ZNF536: variants seen among roughly 807,000 people sequenced by gnomAD.
ZNF536 encodes the protein zinc finger protein 536.
ZNF536 carries 13 observed loss-of-function variants against 84.5 expected under a neutral mutation model. The observed-to-expected ratio is 0.15, with a 90% CI of 0.10 to 0.24. ZNF536 has a LOEUF of 0.24. ZNF536 is among the 10% of genes least tolerant of loss of function. The pLI, the probability that ZNF536 is intolerant of heterozygous loss-of-function variation, is 1.00. For missense variants in ZNF536, 1,536 were observed against 1,747.5 expected, an observed-to-expected ratio of 0.88 and a Z score of 2.16; for synonymous variants, 811 against 742.5, an observed-to-expected ratio of 1.09 and a Z score of -1.50.
chr19:30,270,543 T>C (rs920156184), intron 1 of ZNF536, among the ~76,000 whole-genome samples: 3 of 152,198 alleles, frequency 2.0e-5, no homozygotes, highest in African/African-American at 7.2e-5. Context: ...AAGGAGACAA[T>C]TAGCAAACAG....
chr19:30,524,922 TTTA>T (rs1320846580), intron 2 of ZNF536, among the ~76,000 whole-genome samples: 1 of 152,192 alleles, frequency 6.6e-6, no homozygotes, highest in Non-Finnish European at 1.5e-5. Context: ...TAACAAATAT[TTTA>T]TTATAATTAT....
intron 3 of ZNF536, among the ~76,000 whole-genome samples, chr19:30,361,949 A>G (rs993780431): frequency 3.9e-5 from 6 of 152,170 alleles, no homozygotes; most frequent in Non-Finnish European, 8.8e-5. Flanking sequence ...GAGGCCGTGC[A>G]TTAGGTCAGC....
intron 2 of ZNF536, among the ~76,000 whole-genome samples, chr19:30,471,332 C>T (rs1390819820): frequency 1.3e-5 from 2 of 152,188 alleles, no homozygotes; most frequent in Non-Finnish European, 2.9e-5. Flanking sequence ...AGATAATTAA[C>T]AGGCAGGACA....
chr19:30,346,212 C>A (rs768949006), intron 2 of ZNF536, among the ~76,000 whole-genome samples: 1 of 152,110 alleles, frequency 6.6e-6, no homozygotes, highest in Non-Finnish European at 1.5e-5. Flanking sequence ...CAGCTATGGG[C>A]AAAGCAACTG....
intron 2 of ZNF536, among the ~76,000 whole-genome samples, chr19:30,498,096 C>T (rs2054795895): frequency 6.6e-6 from 1 of 151,970 alleles, no homozygotes; most frequent in African/African-American, 2.4e-5. Flanking sequence ...GGGTATATAC[C>T]CAAAGGAATA....
intron 3 of ZNF536, among the ~76,000 whole-genome samples, chr19:30,539,765 T>C (rs1178624720): frequency 6.6e-6 from 1 of 152,162 alleles, no homozygotes; most frequent in African/African-American, 2.4e-5. Context: ...AGGCAGATGC[T>C]GACAGGTCCC....
chr19:30,669,655 A>G (rs578018788), intron 1 of ZNF536, among the ~76,000 whole-genome samples: 2 of 152,300 alleles, frequency 1.3e-5, no homozygotes, highest in African/African-American at 2.4e-5. Context: ...ACAAGGCTCC[A>G]CTTTCCCTAA....
At chr19:30,469,480 C>T (rs1052066746) in intron 2 of ZNF536, among the ~76,000 whole-genome samples, 2 of 152,090 alleles carry the variant, frequency 1.3e-5, no homozygotes, top group African/African-American at 4.8e-5. Flanking sequence ...CACACCTCTG[C>T]TTGCCCATTA....
intron 4 of ZNF536, chr19:30,555,632 G>T (rs2045937961): frequency 6.6e-6 from 1 of 152,204 alleles, no homozygotes; most frequent in Admixed American, 6.5e-5. Context: ...CCAAGAAACG[G>T]CAAAGGTCTG....
At chr19:30,250,535 G>C (rs1367233258) in intron 1 of ZNF536, among the ~76,000 whole-genome samples, 2 of 152,126 alleles carry the variant, frequency 1.3e-5, no homozygotes, top group Non-Finnish European at 2.9e-5. Context: ...AAGGGTCTTG[G>C]GGAAAGTGGC....
chr19:30,451,443 C>A (rs2148315852), intron 2 of ZNF536, among the ~76,000 whole-genome samples: 1 of 152,354 alleles, frequency 6.6e-6, no homozygotes, highest in Non-Finnish European at 1.5e-5. Flanking sequence ...CACTTCGGGG[C>A]TTTTACCATC....
chr19:30,574,900 C>A (rs1264926485), intron 1 of ZNF536, among the ~76,000 whole-genome samples: 3 of 152,126 alleles, frequency 2.0e-5, no homozygotes, highest in Non-Finnish European at 4.4e-5. Flanking sequence ...AGGCTAAGGT[C>A]TAGCGTGGCT....
chr19:30,372,667 A>G (rs1235073806), intron 1 of ZNF536, 111 bp downstream of exon 1: 2 of 152,204 alleles, frequency 1.3e-5, no homozygotes, highest in East Asian at 3.9e-4. Context: ...GCAGACACGC[A>G]CATACTCATG....
At chr19:30,285,284 C>A (rs570482827) in intron 2 of ZNF536, among the ~76,000 whole-genome samples, 1 of 152,256 alleles carries the variant, frequency 6.6e-6, no homozygotes, top group East Asian at 1.9e-4. Flanking sequence ...ATTCACAATT[C>A]TTTGCCTTAG....
chr19:30,696,857 A>G (rs1377127580), intron 1 of ZNF536, among the ~76,000 whole-genome samples: 1 of 152,048 alleles, frequency 6.6e-6, no homozygotes, highest in Non-Finnish European at 1.5e-5. Context: ...TCCTAACTCA[A>G]CTTGGGCCTC....
intron 2 of ZNF536, among the ~76,000 whole-genome samples, chr19:30,508,046 C>G (rs545151186): frequency 6.6e-6 from 1 of 152,282 alleles, no homozygotes; most frequent in Admixed American, 6.5e-5. Flanking sequence ...TGAGTGAGGC[C>G]TCTCCCAGAA....
At chr19:30,673,505 C>T (rs775770132) in intron 1 of ZNF536, among the ~76,000 whole-genome samples, 6 of 152,184 alleles carry the variant, frequency 3.9e-5, no homozygotes, top group Non-Finnish European at 7.3e-5. Context: ...CCGCCCTGTG[C>T]CTGCCACGGG....
chr19:30,269,520 A>C (rs2025704907), intron 1 of ZNF536, among the ~76,000 whole-genome samples: 1 of 152,112 alleles, frequency 6.6e-6, no homozygotes, highest in African/African-American at 2.4e-5. Flanking sequence ...TAAATATAGA[A>C]CTGTCTTTAT....
intron 2 of ZNF536, among the ~76,000 whole-genome samples, chr19:30,292,576 C>T (rs573204491): frequency 6.6e-6 from 1 of 152,280 alleles, no homozygotes; most frequent in East Asian, 1.9e-4. Context: ...TCACCTTGGC[C>T]TCCCAAAGTG....
Sources: gnomAD v4.1 joint callset for allele counts (sites outside exome capture counted in the v4.1 genomes callset) on GRCh38, gnomAD v4.1.1 for gene constraint, MANE v1.5 for transcripts, NCBI Gene and HGNC (gene_info 2026-07-23, HGNC 2026-07-21) for gene names.